Variants in CCDC178 observed in about 807,000 individuals in gnomAD.
The protein encoded by CCDC178 is coiled-coil domain containing 178, also known as coiled-coil domain-containing protein 178.
A neutral mutation model predicts 117.4 loss-of-function variants in CCDC178; 126 were observed. The observed-to-expected ratio is 1.07, with a 90% confidence interval of 0.93 to 1.24. The LOEUF is 1.24. CCDC178 is among the 50% of genes most tolerant of loss of function. The pLI is 0.00. For missense variants in CCDC178, 1,030 were observed against 986.9 expected (o/e 1.04, Z -0.59); for synonymous variants, 283 against 313.4 (o/e 0.90, Z 1.02).
intron 20 of CCDC178, among the ~76,000 whole-genome samples, chr18:33,183,983 A>C (rs2058760918): frequency 6.6e-6 from 1 of 152,052 alleles, no homozygotes; most frequent in South Asian, 2.1e-4. Context: ...TTCTCTATCT[A>C]TGTTTACTCT....
At chr18:33,360,307 T>C (rs1040222629) in intron 6 of CCDC178, among the ~76,000 whole-genome samples, 4 of 150,814 alleles carry the variant, frequency 2.7e-5, no homozygotes, top group African/African-American at 9.7e-5. Flanking sequence ...TACATGCATG[T>C]TCATAGTAGC....
Position 33,140,942 on chromosome 18 carries a change from T to A in CCDC178, c.2239-48032A>T, listed in dbSNP as rs541654038. On this transcript the variant is annotated intron_variant, in intron 20 of 22. Coordinates refer to ENST00000383096, the MANE Select transcript of CCDC178 (RefSeq NM_001105528.4). Reference sequence around the variant, plus strand: ...GAGGTGATTGAGTTATGGGGGTGAGTCTTTCCTGTGCTGTTCTTGTGATAG... The same window carrying A: ...GAGGTGATTGAGTTATGGGGGTGAGACTTTCCTGTGCTGTTCTTGTGATAG... Among the ~76,000 whole-genome samples the A allele has an allele frequency of 2.6e-5, 4 of 151,920 alleles. No individual in the cohort carries two copies. In the South Asian group the frequency reaches 8.3e-4, roughly 32 times the overall value.
chr18:33,040,111 A>G (rs770902934), intron 21 of CCDC178, among the ~76,000 whole-genome samples: 49 of 151,986 alleles, frequency 3.2e-4, no homozygotes, highest in Non-Finnish European at 6.6e-4. Flanking sequence ...CAATTTGATG[A>G]GTTAGTGTAC....
intron 21 of CCDC178, among the ~76,000 whole-genome samples, chr18:33,077,351 G>A (rs1437249016): frequency 2.0e-5 from 3 of 152,132 alleles, no homozygotes; most frequent in Admixed American, 2.0e-4. Context: ...AATTGCATAT[G>A]TTGAAGTCCT....
intron 21 of CCDC178, among the ~76,000 whole-genome samples, chr18:33,052,216 A>C (rs550507350): frequency 7.0e-4 from 106 of 152,356 alleles, no homozygotes; most frequent in African/African-American, 2.3e-3. Context: ...ATATTAAAAG[A>C]ACAGATAAGT....
chr18:32,988,367 C>T (rs769822720), intron 21 of CCDC178, among the ~76,000 whole-genome samples: 1 of 151,728 alleles, frequency 6.6e-6, no homozygotes, highest in Non-Finnish European at 1.5e-5. Context: ...ACCCAGGAGG[C>T]GGAGGTTGCA....
chr18:33,393,537 C>T (rs1206187494), intron 4 of CCDC178, among the ~76,000 whole-genome samples: 1 of 152,002 alleles, frequency 6.6e-6, no homozygotes, highest in Non-Finnish European at 1.5e-5. Context: ...TTTTTATCAC[C>T]ATAGCTTAGT....
Position 33,074,209 on chromosome 18 carries a change from T to C in CCDC178, c.2388+18552A>G, listed in dbSNP as rs183848032. The stretch of plus-strand genomic sequence containing the variant: ...TTTTATATATATATAATGTAATATA[T>C]ACTTAAAATGTGCATATATATTAAA... On this transcript the variant is annotated intron_variant, in intron 21 of 22. Transcript: ENST00000383096. Among the ~76,000 whole-genome samples, 140 of 151,978 alleles carry C rather than the reference T, an allele frequency of 9.2e-4. 1 individual carries two copies. Among genetic ancestry groups the C allele is most frequent in the African/African-American group, 3.3e-3 (135 of 41,502 alleles).
At chr18:33,339,244 G>C (rs2062782119) in intron 9 of CCDC178, among the ~76,000 whole-genome samples, 9 of 151,926 alleles carry the variant, frequency 5.9e-5, no homozygotes, top group Admixed American at 5.9e-4. Context: ...TGGGAAATCA[G>C]AGGAAAAAAT....
At chr18:33,047,548 T>C in intron 21 of CCDC178, among the ~76,000 whole-genome samples, 1 of 152,320 alleles carries the variant, frequency 6.6e-6, no homozygotes, top group Non-Finnish European at 1.5e-5. Flanking sequence ...AGCAAGTTCT[T>C]TTTTTCTGGC....
intron 20 of CCDC178, among the ~76,000 whole-genome samples, chr18:33,207,523 TGGGAATG>T (rs1306689995): frequency 6.6e-6 from 1 of 150,436 alleles, no homozygotes; most frequent in African/African-American, 2.4e-5. Context: ...CATTTTCCAG[TGGGAATG>T]GAAAATGAAT....
chr18:33,280,583 C>A (rs1455954958), intron 12 of CCDC178, among the ~76,000 whole-genome samples: 2 of 151,644 alleles, frequency 1.3e-5, no homozygotes, highest in East Asian at 3.9e-4. Flanking sequence ...TACCATTTGA[C>A]CCAGCCATCC....
chr18:32,956,315 T>TACGTAA (rs1019031801), intron 22 of CCDC178, among the ~76,000 whole-genome samples: 2 of 152,198 alleles, frequency 1.3e-5, no homozygotes, highest in Admixed American at 1.3e-4. Context: ...ATTTATTTTT[T>TACGTAA]ACGTAACTAA....
chr18:33,333,398 G>A lies in CCDC178; in HGVS notation c.659-4C>T. The A allele has an allele frequency of 6.8e-7, 1 of 1,464,884 alleles. No individual in the cohort carries two copies. The highest frequency in any genetic ancestry group is 2.3e-5 in the East Asian group (1 of 42,836). The allele number at this position is 1,464,884 out of a possible 1,614,324, so 90.7% of individuals were successfully genotyped here. On this transcript the variant is annotated splice_region_variant and splice_polypyrimidine_tract_variant and intron_variant, in intron 9 of 22. Transcript: ENST00000383096. ...TCACTCAAATAGGCCTCATGTTCTAGATATAGAAGGATAAGAACAAAAGAA... is the reference window on the plus strand; with the variant it reads ...TCACTCAAATAGGCCTCATGTTCTAAATATAGAAGGATAAGAACAAAAGAA...
intron 22 of CCDC178, among the ~76,000 whole-genome samples, chr18:32,942,088 A>G (rs1027236748): frequency 6.6e-6 from 1 of 152,122 alleles, no homozygotes; most frequent in Admixed American, 6.6e-5. Flanking sequence ...GGATCCACTC[A>G]GTAGTTATGG....
chr18:33,101,367 T>C (rs2057625808), intron 20 of CCDC178, among the ~76,000 whole-genome samples: 1 of 151,880 alleles, frequency 6.6e-6, no homozygotes, highest in South Asian at 2.1e-4. Flanking sequence ...GTGTACCTCC[T>C]GATTTGAACA....
At chr18:32,971,509 A>G (rs1598743100) in intron 22 of CCDC178, among the ~76,000 whole-genome samples, 2 of 152,172 alleles carry the variant, frequency 1.3e-5, no homozygotes, top group South Asian at 2.1e-4. Flanking sequence ...TTTATAGTAG[A>G]ATGATTTATA....
At chr18:33,362,517 T>A (rs1439759772) in intron 6 of CCDC178, among the ~76,000 whole-genome samples, 2 of 151,788 alleles carry the variant, frequency 1.3e-5, no homozygotes, top group African/African-American at 2.4e-5. Context: ...TAAAATTGTA[T>A]TATATTAGGG....
intron 20 of CCDC178, among the ~76,000 whole-genome samples, chr18:33,096,039 C>T (rs1203503811): frequency 1.3e-5 from 2 of 151,724 alleles, no homozygotes; most frequent in Non-Finnish European, 2.9e-5. Flanking sequence ...GCTTGGCTTC[C>T]TTCTCTGTCA....
Sources: allele counts gnomAD v4.1 joint callset (sites outside exome capture counted in the v4.1 genomes callset), GRCh38; gene constraint gnomAD v4.1.1; transcripts MANE v1.5; gene names NCBI Gene and HGNC (gene_info 2026-07-23, HGNC 2026-07-21).